SLC35A5: variants seen among roughly 807,000 people sequenced by gnomAD.
SLC35A5 encodes the protein UDP-sugar transporter protein SLC35A5.
SLC35A5 carries 28 observed loss-of-function variants against 36.3 expected under a neutral mutation model. The ratio of observed to expected loss-of-function variants is 0.77; its 90% CI spans 0.57 to 1.06. The LOEUF is 1.06. SLC35A5 is among the 50% of genes least tolerant of loss of function. The pLI, the probability that SLC35A5 is intolerant of heterozygous loss-of-function variation, is 0.00. For missense variants in SLC35A5, 521 were observed against 499.3 expected (o/e 1.04, Z -0.41); for synonymous variants, 180 against 173.7 (o/e 1.04, Z -0.29).
chr3:112,576,766 A>G (rs1220628688), intron 5 of SLC35A5, among the ~76,000 whole-genome samples: 2 of 152,272 alleles, frequency 1.3e-5, no homozygotes, highest in East Asian at 3.9e-4. Flanking sequence ...TCATTGATGT[A>G]TGTGCTTTTA....
chr3:112,570,301 G>A lies in SLC35A5; in HGVS notation c.230-239G>A, dbSNP rs1247378590. 2.8e-5 allele frequency: 8 copies of A among 287,936 alleles called. No homozygotes were observed. The Admixed American group carries it at 3.7e-4, about 13-fold the overall frequency. 17.8% of individuals were successfully genotyped at this position (287,936 alleles called of 1,614,324 possible). ...AAGAGAAACCACATATTTATTCTGAGTTGCCTTAAGTAATACTTCTGTTAT... is the reference window on the plus strand; with the variant it reads ...AAGAGAAACCACATATTTATTCTGAATTGCCTTAAGTAATACTTCTGTTAT... On this transcript the variant is annotated intron_variant, in intron 3 of 6. Coordinates refer to ENST00000492406, the MANE Select transcript of SLC35A5 (RefSeq NM_017945.5).
intron 1 of SLC35A5, 22 bp downstream of exon 1, chr3:112,562,295 G>A (rs1399537186): frequency 2.0e-5 from 3 of 152,600 alleles, no homozygotes; most frequent in Non-Finnish European, 4.4e-5. Flanking sequence ...CCGCGGGCAA[G>A]GAATTGCGCC....
chr3:112,575,758 C>CTT (rs36050657), intron 5 of SLC35A5, among the ~76,000 whole-genome samples: 52 of 128,152 alleles, frequency 4.1e-4, no homozygotes, highest in South Asian at 7.2e-4. Context: ...TATTTTATTA[C>CTT]TTTTTTTTTT....
rs1315881853 is a variant in SLC35A5, at chr3:112,563,392, AAAAAC to A, written c.-10_-6del. On this transcript the variant is annotated 5_prime_UTR_variant, in exon 2 of 7. Coordinates refer to ENST00000492406, the MANE Select transcript of SLC35A5 (RefSeq NM_017945.5). ...AGTGTTTTTCTCTTTAAGGTAATTA[AAAAAC>A]AGTGGAATGGAAAAACAGTGCTGTA... is the stretch of plus-strand genomic sequence containing the variant. 1 of 1,490,858 alleles carries A rather than the reference AAAAAC, an allele frequency of 6.7e-7. No homozygotes were observed. Among genetic ancestry groups the A allele is most frequent in the Non-Finnish European group, 9.1e-7 (1 of 1,100,704 alleles). The allele number at this position is 1,490,858 out of a possible 1,614,324, so 92.4% of individuals were successfully genotyped here.
intron 5 of SLC35A5, among the ~76,000 whole-genome samples, chr3:112,576,994 A>G (rs1033865607): frequency 3.3e-5 from 5 of 152,048 alleles, no homozygotes; most frequent in Admixed American, 3.3e-4. Context: ...GTTGTCTTAT[A>G]CTTGATTGTA....
At chr3:112,577,485 C>T (rs923414291) in intron 5 of SLC35A5, among the ~76,000 whole-genome samples, 3 of 152,202 alleles carry the variant, frequency 2.0e-5, no homozygotes. Flanking sequence ...GGCATTATGC[C>T]TTGTAGCTTG....
At chr3:112,576,271 G>A (rs1167880523) in intron 5 of SLC35A5, among the ~76,000 whole-genome samples, 1 of 152,032 alleles carries the variant, frequency 6.6e-6, no homozygotes, top group Non-Finnish European at 1.5e-5. Context: ...GGTGTTACAG[G>A]CACGTGCCAC....
In SLC35A5 at chr3:112,573,929, C is replaced by G. The variant is rs749139954; in HGVS notation, c.401C>G (p.Thr134Arg). The G allele has an allele frequency of 3.1e-6, 5 of 1,613,494 alleles. No homozygotes were observed. Among genetic ancestry groups the G allele is most frequent in the Non-Finnish European group, 4.2e-6 (5 of 1,179,498 alleles). Reference sequence around the variant, plus strand: ...TTCTCAAATTTTAGCATTATAACAACAGCTCTTCTATTCAGGATAGTGCTG... The same window carrying G: ...TTCTCAAATTTTAGCATTATAACAAGAGCTCTTCTATTCAGGATAGTGCTG... ...VIFSNFSIIT[T>R]ALLFRIVLKR... Residue 134 changes from threonine to arginine, a missense_variant, in exon 5 of 7, where the codon ACA becomes AGA. Physicochemically the swap from Thr to Arg is moderately conservative, Grantham distance 71 (BLOSUM62 -1). Transcript: ENST00000492406.
Position 112,583,716 on chromosome 3 carries a change from G to A in SLC35A5, c.*980G>A, listed in dbSNP as rs772748830. On this transcript the variant is annotated 3_prime_UTR_variant, in exon 7 of 7. Coordinates refer to ENST00000492406, the MANE Select transcript of SLC35A5 (RefSeq NM_017945.5). The stretch of plus-strand genomic sequence containing the variant: ...AAACACATGTTGACTTTTAACTGAT[G>A]TATGAATATTAATACTCTAAAAATA... 6.6e-6 allele frequency: 1 copy of A among 152,054 alleles called. No homozygotes were observed. The highest frequency in any genetic ancestry group is 1.5e-5 in the Non-Finnish European group (1 of 67,992). The allele number at this position is 152,054 out of a possible 1,614,324, so 9.4% of individuals were successfully genotyped here.
At chr3:112,568,113 C>T (rs898998190) in intron 2 of SLC35A5, among the ~76,000 whole-genome samples, 26 of 152,168 alleles carry the variant, frequency 1.7e-4, no homozygotes, top group African/African-American at 6.3e-4. Flanking sequence ...TCTTCCATTC[C>T]ATTTCACTTC....
chr3:112,582,166 T>C (rs1934957702), intron 6 of SLC35A5, among the ~76,000 whole-genome samples: 1 of 152,180 alleles, frequency 6.6e-6, no homozygotes, highest in Non-Finnish European at 1.5e-5. Context: ...AATAATCTAT[T>C]GCTTAATAAC....
intron 5 of SLC35A5, among the ~76,000 whole-genome samples, chr3:112,577,164 G>C (rs1348396084): frequency 1.3e-5 from 2 of 151,754 alleles, no homozygotes; most frequent in African/African-American, 2.4e-5. Flanking sequence ...AGTAAGTCTG[G>C]TAACTACTGC....
Position 112,573,777 on chromosome 3 carries a change from C to A in SLC35A5, c.361-112C>A, listed in dbSNP as rs147857244. On this transcript the variant is annotated intron_variant, in intron 4 of 6. Transcript: ENST00000492406. Reference sequence around the variant, plus strand: ...TAGTTGAAATTGCTACCTTAATAACCCCTCTGTTTTTTGACCAAAAAGCTT... The same window carrying A: ...TAGTTGAAATTGCTACCTTAATAACACCTCTGTTTTTTGACCAAAAAGCTT... 52 of 759,088 alleles carry A rather than the reference C, an allele frequency of 6.9e-5. No individual in the cohort carries two copies. The East Asian group carries it at 1.1e-3, about 17-fold the overall frequency. The allele number at this position is 759,088 out of a possible 1,614,324, so 47.0% of individuals were successfully genotyped here. A position where few individuals can be genotyped will look rare whatever the true frequency, so the allele number is the denominator to read the frequency against.
At chr3:112,575,478 TTAAATC>T (rs1934623011) in intron 5 of SLC35A5, among the ~76,000 whole-genome samples, 1 of 152,188 alleles carries the variant, frequency 6.6e-6, no homozygotes. Context: ...CATTCTAAGT[TTAAATC>T]TAAATCTATT....
At position 112,582,971 on chromosome 3, in the gene SLC35A5, A is replaced by G. The variant is rs956747904; in HGVS notation, c.*235A>G. 1 of 480,346 alleles carries G rather than the reference A, an allele frequency of 2.1e-6. No individual in the cohort carries two copies. Among genetic ancestry groups the G allele is most frequent in the African/African-American group, 2.0e-5 (1 of 50,488 alleles). The allele number at this position is 480,346 out of a possible 1,614,324, so 29.8% of individuals were successfully genotyped here. The stretch of plus-strand genomic sequence containing the variant: ...ATGAAGAATTCATTAATATCTCAGT[A>G]CTTGATAAATCAGAAAGTTATATGT... On this transcript the variant is annotated 3_prime_UTR_variant, in exon 7 of 7. Transcript: ENST00000492406.
At position 112,585,465 on chromosome 3, in the gene SLC35A5, A is replaced by T. The variant is rs1935112276; in HGVS notation, c.*2729A>T. 1.3e-5 allele frequency: 2 copies of T among 152,254 alleles called. No homozygotes were observed. The highest frequency in any genetic ancestry group is 4.1e-4 in the South Asian group (2 of 4,828). 9.4% of individuals were successfully genotyped at this position (152,254 alleles called of 1,614,324 possible). ...GGGTACAATGTTCACTGTTTGAGTGATGGGTCCACTAGAAGCCCAAACTTC... is the reference window on the plus strand; with the variant it reads ...GGGTACAATGTTCACTGTTTGAGTGTTGGGTCCACTAGAAGCCCAAACTTC... On this transcript the variant is annotated 3_prime_UTR_variant, in exon 7 of 7. Transcript: ENST00000492406.
chr3:112,564,801 T>G (rs1221924790), intron 2 of SLC35A5, among the ~76,000 whole-genome samples: 4 of 152,196 alleles, frequency 2.6e-5, no homozygotes, highest in South Asian at 2.1e-4. Flanking sequence ...TGGTGATGAC[T>G]CTTAACGAGC....
At position 112,582,862 on chromosome 3, in the gene SLC35A5, T is replaced by A; in HGVS notation, c.*126T>A. On this transcript the variant is annotated 3_prime_UTR_variant, in exon 7 of 7. Coordinates refer to ENST00000492406, the MANE Select transcript of SLC35A5 (RefSeq NM_017945.5). ...AATCCTAATATTCTTTGCATATATC[T>A]AGCTACTCCCTAAATGGTTCCATCC... is the stretch of plus-strand genomic sequence containing the variant. 1.3e-6 allele frequency: 1 copy of A among 779,754 alleles called. No individual in the cohort carries two copies. Among genetic ancestry groups the A allele is most frequent in the Non-Finnish European group, 2.1e-6 (1 of 485,122 alleles). The allele number at this position is 779,754 out of a possible 1,614,324, so 48.3% of individuals were successfully genotyped here.
chr3:112,571,923 GTTTTTTTTTTT>G (rs58561218), intron 4 of SLC35A5, among the ~76,000 whole-genome samples: 1 of 53,824 alleles, frequency 1.9e-5, no homozygotes, highest in African/African-American at 7.0e-5. Context: ...ACTTTCCACA[GTTTTTTTTTTT>G]TTTTTTTTTT....
Sources: gnomAD v4.1 joint callset for allele counts (sites outside exome capture counted in the v4.1 genomes callset) on GRCh38, gnomAD v4.1.1 for gene constraint, MANE v1.5 for transcripts, NCBI Gene and HGNC (gene_info 2026-07-23, HGNC 2026-07-21) for gene names.